Variants in RFTN1 observed in about 807,000 individuals in gnomAD.
The protein encoded by RFTN1 is raftlin, lipid raft linker 1, also known as raftlin.
Under a neutral mutation model 46.5 loss-of-function variants are expected in RFTN1, and 26 were observed. The ratio of observed to expected loss-of-function variants is 0.56; its 90% CI spans 0.41 to 0.78. The LOEUF (loss-of-function observed/expected upper bound fraction) is 0.78, where lower values mean the gene tolerates loss of function less well. RFTN1 is among the 30% of genes least tolerant of loss of function. RFTN1 has a pLI of 0.00. For synonymous variants in RFTN1, 261 were observed against 284.2 expected, an observed-to-expected ratio of 0.92 and a Z score of 0.82; for missense variants, 693 against 718.7, an observed-to-expected ratio of 0.96 and a Z score of 0.41.
At chr3:16,503,959 G>A (rs1178653264) in intron 1 of RFTN1, among the ~76,000 whole-genome samples, 19 of 152,074 alleles carry the variant, frequency 1.2e-4, no homozygotes, top group Admixed American at 1.2e-3. Context: ...TAGACATCTT[G>A]GACACAGTCC....
In RFTN1 at chr3:16,507,619, CACAT is replaced by C. The variant is rs1553605707; in HGVS notation, c.-9+5819_-9+5822del. ...TTCAAAACACACACACACACACACACACATACACACACACATGCACACATCCACA... is the reference window on the plus strand; with the variant it reads ...TTCAAAACACACACACACACACACACACACACACACATGCACACATCCACA... On this transcript the variant is annotated intron_variant, in intron 1 of 9. Coordinates refer to ENST00000334133, the MANE Select transcript of RFTN1 (RefSeq NM_015150.2). The surrounding 1 kb of genome is among the most constrained non-coding windows in gnomAD (Gnocchi z 7.1). Among the ~76,000 whole-genome samples the C allele has an allele frequency of 2.7e-5, 4 of 150,338 alleles. No homozygotes were observed. The highest frequency in any genetic ancestry group is 9.8e-5 in the African/African-American group (4 of 40,800).
chr3:16,495,457 G>T (rs1345306576), intron 1 of RFTN1, among the ~76,000 whole-genome samples: 1 of 152,240 alleles, frequency 6.6e-6, no homozygotes, highest in Non-Finnish European at 1.5e-5. Context: ...CATTATTAGC[G>T]ATTCAAACAA....
At chr3:16,503,832 C>A (rs1354703536) in intron 1 of RFTN1, among the ~76,000 whole-genome samples, 2 of 152,196 alleles carry the variant, frequency 1.3e-5, no homozygotes, top group African/African-American at 4.8e-5. Flanking sequence ...TAATTATAAA[C>A]CACTTCAAAC....
chr3:16,343,406 A>G (rs1417084199), intron 7 of RFTN1, among the ~76,000 whole-genome samples: 1 of 152,204 alleles, frequency 6.6e-6, no homozygotes, highest in Non-Finnish European at 1.5e-5. Context: ...TCAGCCCTTC[A>G]AAGATATGAG....
Position 16,376,050 on chromosome 3 carries a change from G to A in RFTN1, c.826+1668C>T, listed in dbSNP as rs937945956. 2.0e-5 allele frequency among the ~76,000 whole-genome samples: 3 copies of A among 152,214 alleles called. No homozygotes were observed. The highest frequency in any genetic ancestry group is 2.9e-5 in the Non-Finnish European group (2 of 68,008). ...AGGCAGGAAGTCTGGAAGGAGTATC[G>A]GAGGAAGGTGGGCTCTGGAACACAG... On this transcript the variant is annotated intron_variant, in intron 5 of 9. Coordinates refer to ENST00000334133, the MANE Select transcript of RFTN1 (RefSeq NM_015150.2). The surrounding 1 kb of genome is among the most constrained non-coding windows in gnomAD (Gnocchi z 4.7).
chr3:16,317,360 C>T lies in RFTN1; in HGVS notation c.1333-128G>A. ...CATACAATTCCCAGCATCCCCCAGCCAGGCAGTACAGGCACCAAACTTGAA... is the reference window on the plus strand; with the variant it reads ...CATACAATTCCCAGCATCCCCCAGCTAGGCAGTACAGGCACCAAACTTGAA... On this transcript the variant is annotated intron_variant, in intron 9 of 9. Coordinates refer to ENST00000334133, the MANE Select transcript of RFTN1 (RefSeq NM_015150.2). The surrounding 1 kb of genome is among the most constrained non-coding windows in gnomAD (Gnocchi z 4.3). 1 of 919,206 alleles carries T rather than the reference C, an allele frequency of 1.1e-6. No individual in the cohort carries two copies. Among genetic ancestry groups the T allele is most frequent in the Admixed American group, 2.6e-5 (1 of 38,606 alleles). 56.9% of individuals were successfully genotyped at this position (919,206 alleles called of 1,614,324 possible).
At chr3:16,412,712 T>G (rs543903796) in intron 3 of RFTN1, among the ~76,000 whole-genome samples, 1 of 152,348 alleles carries the variant, frequency 6.6e-6, no homozygotes, top group East Asian at 1.9e-4. Flanking sequence ...AGGTGATGGA[T>G]GTCACTCCTG....
At chr3:16,501,166 AAC>A (rs1227316865) in intron 1 of RFTN1, among the ~76,000 whole-genome samples, 1 of 152,172 alleles carries the variant, frequency 6.6e-6, no homozygotes, top group Non-Finnish European at 1.5e-5. Context: ...CACACACACA[AAC>A]ACAGCACAGC....
Position 16,342,021 on chromosome 3 carries a change from A to C in RFTN1, c.1147-15145T>G. ...AAATTATCTTTAATGACCACTTGTCACTTTTTTCAACATCTTTATTGATAT... is the reference window on the plus strand; with the variant it reads ...AAATTATCTTTAATGACCACTTGTCCCTTTTTTCAACATCTTTATTGATAT... On this transcript the variant is annotated intron_variant, in intron 7 of 9. Coordinates refer to ENST00000334133, the MANE Select transcript of RFTN1 (RefSeq NM_015150.2). The surrounding 1 kb of genome is among the most constrained non-coding windows in gnomAD (Gnocchi z 4.0). 6.6e-6 allele frequency among the ~76,000 whole-genome samples: 1 copy of C among 152,180 alleles called. No individual in the cohort carries two copies. The highest frequency in any genetic ancestry group is 1.9e-4 in the East Asian group (1 of 5,200).
At chr3:16,439,271 C>A (rs901347411) in intron 2 of RFTN1, among the ~76,000 whole-genome samples, 3 of 152,176 alleles carry the variant, frequency 2.0e-5, no homozygotes, top group Non-Finnish European at 4.4e-5. Flanking sequence ...AGTGTTACTC[C>A]TAGGCGAATA....
In RFTN1 at chr3:16,395,257, C is replaced by T. The variant is rs529057723; in HGVS notation, c.441+14118G>A. On this transcript the variant is annotated intron_variant, in intron 4 of 9. Coordinates refer to ENST00000334133, the MANE Select transcript of RFTN1 (RefSeq NM_015150.2). ...CTTGGCATATATGCCTTATATTGCT[C>T]TGTGCTCTGCCTCCCCTTATGACTG... Among the ~76,000 whole-genome samples, 11 of 152,326 alleles carry T rather than the reference C, an allele frequency of 7.2e-5. No individual in the cohort carries two copies. The South Asian group carries it at 2.1e-3, about 29-fold the overall frequency.
intron 4 of RFTN1, among the ~76,000 whole-genome samples, chr3:16,378,374 C>G (rs1402352161): frequency 6.6e-6 from 1 of 151,424 alleles, no homozygotes; most frequent in Non-Finnish European, 1.5e-5. Context: ...CTTTGAAACA[C>G]TACACTAGTC....
At chr3:16,372,672 C>T (rs1285294201) in intron 5 of RFTN1, among the ~76,000 whole-genome samples, 1 of 152,146 alleles carries the variant, frequency 6.6e-6, no homozygotes, top group African/African-American at 2.4e-5. Context: ...ATAACTTTCC[C>T]AAATGCGTAA....
chr3:16,367,993 C>A (rs1387974114), intron 6 of RFTN1, among the ~76,000 whole-genome samples: 1 of 152,104 alleles, frequency 6.6e-6, no homozygotes, highest in Non-Finnish European at 1.5e-5. Flanking sequence ...TGCACACCTT[C>A]AACAACTAAC....
At position 16,361,549 on chromosome 3, in the gene RFTN1, C is replaced by G. The variant is rs916572884; in HGVS notation, c.1031-3502G>C. 1.3e-5 allele frequency among the ~76,000 whole-genome samples: 2 copies of G among 152,072 alleles called. No individual in the cohort carries two copies. Among genetic ancestry groups the G allele is most frequent in the Non-Finnish European group, 2.9e-5 (2 of 68,022 alleles). ...CCCCACTTCGAGTGAACTAAGCAAGCAAGGAACATGGATCTGCAGGGTTTG... is the reference window on the plus strand; with the variant it reads ...CCCCACTTCGAGTGAACTAAGCAAGGAAGGAACATGGATCTGCAGGGTTTG... On this transcript the variant is annotated intron_variant, in intron 6 of 9. Coordinates refer to ENST00000334133, the MANE Select transcript of RFTN1 (RefSeq NM_015150.2). The surrounding 1 kb of genome is among the most constrained non-coding windows in gnomAD (Gnocchi z 4.3).
intron 2 of RFTN1, among the ~76,000 whole-genome samples, chr3:16,462,944 A>G (rs1265993841): frequency 6.6e-6 from 1 of 152,250 alleles, no homozygotes; most frequent in Non-Finnish European, 1.5e-5. Context: ...AAGCGGAAGA[A>G]TGCAAGAGAC....
At chr3:16,434,666 A>C (rs375695385) in intron 2 of RFTN1, 1 of 152,252 alleles carries the variant, frequency 6.6e-6, no homozygotes, top group Admixed American at 6.5e-5. Context: ...ACACAGAAAT[A>C]AAGAAAGAAA....
chr3:16,455,996 A>G (rs1265648622), intron 2 of RFTN1, among the ~76,000 whole-genome samples: 1 of 121,780 alleles, frequency 8.2e-6, no homozygotes, highest in Admixed American at 1.2e-4. Flanking sequence ...TCTCTGCATT[A>G]TCATTCCACT....
chr3:16,325,452 G>C (rs1259561015), intron 8 of RFTN1, among the ~76,000 whole-genome samples: 1 of 152,148 alleles, frequency 6.6e-6, no homozygotes, highest in Non-Finnish European at 1.5e-5. Context: ...GAACCAGCTG[G>C]GCCTTCACAT....
Sources: gnomAD v4.1 joint callset for allele counts (sites outside exome capture counted in the v4.1 genomes callset) on GRCh38, gnomAD v4.1.1 for gene constraint, Gnocchi (gnomAD v3.1) non-coding constraint, MANE v1.5 for transcripts, NCBI Gene and HGNC (gene_info 2026-07-23, HGNC 2026-07-21) for gene names.